The following SH3RF3 variants were observed in gnomAD, a reference collection of about 807,000 sequenced individuals.
SH3RF3 encodes the protein SH3 domain containing ring finger 3, also known as E3 ubiquitin-protein ligase SH3RF3.
SH3RF3 carries 29 observed loss-of-function variants against 66.3 expected under a neutral mutation model. That is an observed-to-expected ratio of 0.44 (90% CI 0.33 to 0.60). SH3RF3 has a LOEUF of 0.60. Among genes scored for constraint, SH3RF3 ranks in the 20% least tolerant of loss-of-function variants. The pLI is 0.04. For synonymous variants in SH3RF3, 583 were observed against 532.0 expected (o/e 1.10, Z -1.32); for missense variants, 1,194 against 1,190.9 (o/e 1.00, Z -0.04).
chr2:109,167,851 G>A (rs1173850454), intron 1 of SH3RF3, among the ~76,000 whole-genome samples: 5 of 152,206 alleles, frequency 3.3e-5, no homozygotes, highest in African/African-American at 4.8e-5. Context: ...GATTACAGGC[G>A]TGAGCCACTG....
At chr2:109,140,604 A>G (rs1212956633) in intron 1 of SH3RF3, among the ~76,000 whole-genome samples, 1 of 151,776 alleles carries the variant, frequency 6.6e-6, no homozygotes, top group Non-Finnish European at 1.5e-5. Context: ...GATGGTCTTG[A>G]TCTCCTGACC....
At chr2:109,449,870 C>T (rs1457014061) in intron 8 of SH3RF3, among the ~76,000 whole-genome samples, 1 of 152,218 alleles carries the variant, frequency 6.6e-6, no homozygotes, top group Non-Finnish European at 1.5e-5. Flanking sequence ...TACAAATCTA[C>T]GTGTGCAGTG....
chr2:109,206,490 CAAAAAAAAAAAA>C (rs36060217), intron 1 of SH3RF3, among the ~76,000 whole-genome samples: 5 of 40,756 alleles, frequency 1.2e-4, no homozygotes, highest in African/African-American at 2.0e-4. Flanking sequence ...GACTCCGTCT[CAAAAAAAAAAAA>C]AAAAAAAAAA....
At chr2:109,412,309 G>A (rs571149620) in intron 4 of SH3RF3, among the ~76,000 whole-genome samples, 1 of 152,348 alleles carries the variant, frequency 6.6e-6, no homozygotes, top group East Asian at 1.9e-4. Context: ...CCAGGACATT[G>A]GGAGGTGGAG....
At chr2:109,361,829 T>C (rs1683055836) in intron 2 of SH3RF3, among the ~76,000 whole-genome samples, 1 of 152,234 alleles carries the variant, frequency 6.6e-6, no homozygotes, top group Non-Finnish European at 1.5e-5. Context: ...TAAGGAATTG[T>C]TCCATTTCAT....
At chr2:109,226,434 T>C (rs1484270176) in intron 1 of SH3RF3, among the ~76,000 whole-genome samples, 1 of 152,212 alleles carries the variant, frequency 6.6e-6, no homozygotes, top group African/African-American at 2.4e-5. Flanking sequence ...ATGACACACG[T>C]GGCCCATGTG....
At chr2:109,479,435 T>G (rs570904159) in intron 8 of SH3RF3, among the ~76,000 whole-genome samples, 1 of 152,214 alleles carries the variant, frequency 6.6e-6, no homozygotes, top group Non-Finnish European at 1.5e-5. Flanking sequence ...TTGAGTTCAG[T>G]AGGAACATTT....
At chr2:109,390,182 G>A (rs1023433807) in intron 3 of SH3RF3, among the ~76,000 whole-genome samples, 1 of 152,216 alleles carries the variant, frequency 6.6e-6, no homozygotes, top group South Asian at 2.1e-4. Flanking sequence ...GACTTCCCTT[G>A]TGGCAGTTCT....
intron 1 of SH3RF3, among the ~76,000 whole-genome samples, chr2:109,251,818 A>AT (rs972329321): frequency 2.6e-5 from 4 of 152,200 alleles, no homozygotes; most frequent in Non-Finnish European, 5.9e-5. Flanking sequence ...AATATTTAAT[A>AT]TTTTTAATAC....
At chr2:109,462,355 A>G (rs1678229892) in intron 8 of SH3RF3, among the ~76,000 whole-genome samples, 1 of 152,116 alleles carries the variant, frequency 6.6e-6, no homozygotes, top group Admixed American at 6.6e-5. Flanking sequence ...TAATCACTGC[A>G]TATCAGATAC....
intron 8 of SH3RF3, among the ~76,000 whole-genome samples, chr2:109,476,777 G>T (rs538587458): frequency 8.5e-4 from 130 of 152,312 alleles, no homozygotes; most frequent in Admixed American, 2.2e-3. Flanking sequence ...AGGGCTGCTG[G>T]TTGCCCTTTT....
At chr2:109,252,779 G>A (rs1255289999) in intron 1 of SH3RF3, among the ~76,000 whole-genome samples, 1 of 152,180 alleles carries the variant, frequency 6.6e-6, no homozygotes, top group Non-Finnish European at 1.5e-5. Context: ...AAAGCCTGTT[G>A]TATAATAAAG....
intron 1 of SH3RF3, among the ~76,000 whole-genome samples, chr2:109,211,586 G>A (rs1166806866): frequency 1.3e-5 from 2 of 152,160 alleles, no homozygotes; most frequent in Non-Finnish European, 2.9e-5. Flanking sequence ...GGAGAGCACA[G>A]CAGTGGGGAG....
At chr2:109,199,329 A>AAT (rs1558953516) in intron 1 of SH3RF3, among the ~76,000 whole-genome samples, 6 of 1,074 alleles carry the variant, frequency 5.6e-3, no homozygotes, top group South Asian at 0.026. Flanking sequence ...CTCAAAAAGT[A>AAT]AAATGGAATG....
intron 1 of SH3RF3, among the ~76,000 whole-genome samples, chr2:109,135,163 C>G (rs909053233): frequency 6.6e-6 from 1 of 152,212 alleles, no homozygotes; most frequent in African/African-American, 2.4e-5. Flanking sequence ...TGTACTTAGT[C>G]TCCAAGTCGG....
intron 8 of SH3RF3, among the ~76,000 whole-genome samples, chr2:109,459,295 C>T (rs113013107): frequency 6.6e-6 from 1 of 152,018 alleles, no homozygotes; most frequent in Non-Finnish European, 1.5e-5. Context: ...AGTTACAATC[C>T]TCATTTCTGT....
intron 1 of SH3RF3, among the ~76,000 whole-genome samples, chr2:109,340,932 C>T (rs1242918255): frequency 6.6e-6 from 1 of 152,160 alleles, no homozygotes; most frequent in Non-Finnish European, 1.5e-5. Flanking sequence ...CTTTTAAATC[C>T]TCTCCAATCT....
At chr2:109,149,599 C>A (rs1677186003) in intron 1 of SH3RF3, among the ~76,000 whole-genome samples, 1 of 152,144 alleles carries the variant, frequency 6.6e-6, no homozygotes, top group African/African-American at 2.4e-5. Flanking sequence ...CAAGGTCCAG[C>A]AGGAGGACAG....
At chr2:109,219,329 T>C (rs1314673975) in intron 1 of SH3RF3, among the ~76,000 whole-genome samples, 1 of 152,224 alleles carries the variant, frequency 6.6e-6, no homozygotes, top group African/African-American at 2.4e-5. Flanking sequence ...TCTACTTCTT[T>C]AATTTGCCAA....
Sources: gnomAD v4.1 joint callset for allele counts (sites outside exome capture counted in the v4.1 genomes callset) on GRCh38, gnomAD v4.1.1 for gene constraint, MANE v1.5 for transcripts, NCBI Gene and HGNC (gene_info 2026-07-23, HGNC 2026-07-21) for gene names.